The following MARCHF1 variants were observed in gnomAD, a reference collection of about 807,000 sequenced individuals.
MARCHF1 encodes the protein membrane associated ring-CH-type finger 1.
Under a neutral mutation model 54.2 loss-of-function variants are expected in MARCHF1, and 40 were observed. The observed-to-expected ratio is 0.74, with a 90% CI of 0.57 to 0.96. The LOEUF is 0.96. MARCHF1 is among the 40% of genes least tolerant of loss of function. The pLI is 0.00. For missense variants in MARCHF1, 586 were observed against 656.5 expected, an observed-to-expected ratio of 0.89 and a Z score of 1.17; for synonymous variants, 236 against 236.3, an observed-to-expected ratio of 1.00 and a Z score of 0.01.
At chr4:164,123,149 C>G (rs553992779) in intron 1 of MARCHF1, among the ~76,000 whole-genome samples, 1 of 152,122 alleles carries the variant, frequency 6.6e-6, no homozygotes, top group East Asian at 1.9e-4. Context: ...AAACCAGTAG[C>G]CTTTCTATAT....
At chr4:163,679,156 C>A (rs1744014222) in intron 5 of MARCHF1, among the ~76,000 whole-genome samples, 1 of 152,150 alleles carries the variant, frequency 6.6e-6, no homozygotes, top group African/African-American at 2.4e-5. Flanking sequence ...TGTTTCCTTT[C>A]CTGCTAGAAT....
At chr4:163,605,064 AAAAT>A (rs1413452757) in intron 7 of MARCHF1, among the ~76,000 whole-genome samples, 32 of 152,264 alleles carry the variant, frequency 2.1e-4, no homozygotes, top group African/African-American at 6.0e-4. Context: ...AACAAATTCA[AAAAT>A]AAATAGTTAT....
At chr4:164,185,880 T>A (rs1201524912) in intron 1 of MARCHF1, among the ~76,000 whole-genome samples, 2 of 152,066 alleles carry the variant, frequency 1.3e-5, no homozygotes, top group Non-Finnish European at 2.9e-5. Flanking sequence ...GAGGGTTTAA[T>A]AAGACAAATG....
At chr4:163,725,281 G>C (rs1561042084) in intron 4 of MARCHF1, among the ~76,000 whole-genome samples, 1 of 152,060 alleles carries the variant, frequency 6.6e-6, no homozygotes, top group Non-Finnish European at 1.5e-5. Context: ...TAGTGGCATA[G>C]TGTGGGCAAC....
intron 2 of MARCHF1, among the ~76,000 whole-genome samples, chr4:164,033,176 G>GAAAAAAA (rs893008974): frequency 7.8e-6 from 1 of 127,968 alleles, no homozygotes; most frequent in Non-Finnish European, 1.7e-5. Context: ...TCCATCTCGG[G>GAAAAAAA]AAAAAAAAAA....
At chr4:164,276,947 T>TATATATATATATATATATAGAG (rs1392528920) in intron 1 of MARCHF1, among the ~76,000 whole-genome samples, 22 of 118,794 alleles carry the variant, frequency 1.9e-4, no homozygotes, top group South Asian at 1.4e-3. Flanking sequence ...TATATATATA[T>TATATATATATATATATATAGAG]AGAGAGAGAG....
At chr4:163,742,273 G>A (rs144862882) in intron 4 of MARCHF1, among the ~76,000 whole-genome samples, 1 of 152,010 alleles carries the variant, frequency 6.6e-6, no homozygotes, top group Non-Finnish European at 1.5e-5. Context: ...AAATATGGCA[G>A]TCAATTATTG....
In MARCHF1 at chr4:163,975,180, TCTCTCTCTCTCTCTCTCACACA is replaced by T. The variant is rs1185362841; in HGVS notation, c.-39+13299_-39+13320del. 8.2e-5 allele frequency among the ~76,000 whole-genome samples: 12 copies of T among 146,190 alleles called. No homozygotes were observed. In the East Asian group the frequency reaches 1.4e-3, roughly 17 times the overall value. On this transcript the variant is annotated intron_variant, in intron 3 of 9. Transcript: ENST00000514618. ...CATAATAAAGCTCTCTCTCTCTCTCTCTCTCTCTCTCTCTCTCACACACACACACACACACACACACACACAC... is the reference window on the plus strand; with the variant it reads ...CATAATAAAGCTCTCTCTCTCTCTCTCACACACACACACACACACACACAC...
chr4:163,605,909 G>T (rs561950761), intron 7 of MARCHF1, among the ~76,000 whole-genome samples: 5 of 152,022 alleles, frequency 3.3e-5, no homozygotes, highest in Admixed American at 6.6e-5. Context: ...CCTGTTGCGG[G>T]TTGGGGGGCT....
intron 4 of MARCHF1, among the ~76,000 whole-genome samples, chr4:163,734,727 T>TA (rs1266650904): frequency 6.6e-6 from 1 of 152,092 alleles, no homozygotes; most frequent in Non-Finnish European, 1.5e-5. Context: ...GGAAAGTTTC[T>TA]AGGGGAAGAA....
chr4:164,105,955 G>A (rs940486912), intron 2 of MARCHF1, among the ~76,000 whole-genome samples: 1 of 147,014 alleles, frequency 6.8e-6, no homozygotes, highest in African/African-American at 2.6e-5. Flanking sequence ...AGTGGGCGAA[G>A]GACATGAACA....
chr4:163,552,373 G>A (rs758904492), intron 8 of MARCHF1, among the ~76,000 whole-genome samples: 7 of 152,198 alleles, frequency 4.6e-5, no homozygotes, highest in Non-Finnish European at 7.3e-5. Flanking sequence ...TGTGCACGCA[G>A]CGGTTTAGAA....
chr4:164,251,051 A>C (rs1190182620), intron 1 of MARCHF1, among the ~76,000 whole-genome samples: 5 of 152,186 alleles, frequency 3.3e-5, no homozygotes, highest in Admixed American at 6.5e-5. Flanking sequence ...TATTTCTATG[A>C]ACAATTATTA....
At chr4:164,064,988 C>A (rs1007161362) in intron 2 of MARCHF1, among the ~76,000 whole-genome samples, 4 of 152,106 alleles carry the variant, frequency 2.6e-5, no homozygotes, top group Non-Finnish European at 5.9e-5. Context: ...CCTTGCATCC[C>A]AGGGATAAAG....
At chr4:164,107,442 A>G (rs544914776) in intron 2 of MARCHF1, among the ~76,000 whole-genome samples, 2 of 152,076 alleles carry the variant, frequency 1.3e-5, no homozygotes, top group African/African-American at 4.8e-5. Flanking sequence ...CTCACTGCAA[A>G]CTCTGCCTCT....
intron 1 of MARCHF1, among the ~76,000 whole-genome samples, chr4:164,220,650 T>C (rs988673953): frequency 7.0e-6 from 1 of 142,078 alleles, no homozygotes; most frequent in African/African-American, 2.7e-5. Context: ...TATATATGCA[T>C]ATATGTAATA....
chr4:164,116,087 T>C lies in MARCHF1; in HGVS notation c.-322-4425A>G, dbSNP rs545673217. 2.0e-5 allele frequency among the ~76,000 whole-genome samples: 3 copies of C among 152,272 alleles called. No individual in the cohort carries two copies. In the South Asian group the frequency reaches 6.2e-4, roughly 32 times the overall value. Reference sequence around the variant, plus strand: ...CAAACTTTAGATGATATTGATAATTTATCAACCATAAACATGAAATAAAGC... The same window carrying C: ...CAAACTTTAGATGATATTGATAATTCATCAACCATAAACATGAAATAAAGC... On this transcript the variant is annotated intron_variant, in intron 1 of 9. Transcript: ENST00000514618.
chr4:164,309,390 GA>G (rs1734787678), intron 1 of MARCHF1, among the ~76,000 whole-genome samples: 1 of 152,072 alleles, frequency 6.6e-6, no homozygotes, highest in Non-Finnish European at 1.5e-5. Flanking sequence ...ATGCCCCACT[GA>G]CAGAACCCTT....
At chr4:163,675,082 C>A (rs553691459) in intron 5 of MARCHF1, among the ~76,000 whole-genome samples, 1 of 152,030 alleles carries the variant, frequency 6.6e-6, no homozygotes, top group Non-Finnish European at 1.5e-5. Flanking sequence ...AAAGGAAAAC[C>A]CTTACCTAGC....
Sources: gnomAD v4.1 joint callset for allele counts (sites outside exome capture counted in the v4.1 genomes callset) on GRCh38, gnomAD v4.1.1 for gene constraint, MANE v1.5 for transcripts, NCBI Gene and HGNC (gene_info 2026-07-23, HGNC 2026-07-21) for gene names.